The following JAK2 variants were observed in gnomAD, a reference collection of about 807,000 sequenced individuals.
The protein encoded by JAK2 is tyrosine-protein kinase JAK2.
In JAK2, 86 loss-of-function variants were observed where a neutral mutation model predicts 139.3. That is an observed-to-expected ratio of 0.62 (90% CI 0.52 to 0.74). JAK2 has a LOEUF of 0.74. JAK2 is among the 30% of genes least tolerant of loss of function. JAK2 has a pLI of 0.00. For missense variants in JAK2, 1,421 were observed against 1,360.3 expected (o/e 1.04, Z -0.70); for synonymous variants, 490 against 437.7 (o/e 1.12, Z -1.49).
intron 2 of JAK2, among the ~76,000 whole-genome samples, chr9:4,989,200 C>T (rs1178519789): frequency 6.6e-6 from 1 of 152,192 alleles, no homozygotes; most frequent in Admixed American, 6.5e-5. Context: ...CTAAGGATCT[C>T]TAGTCCTTAA....
chr9:5,078,461 T>C lies in JAK2; in HGVS notation c.2131+17T>C. ...CAAAGGACAGTAAGTTCTAGAAGGATTATATATAATGTTACTAAGCTTTAC... is the reference window on the plus strand; with the variant it reads ...CAAAGGACAGTAAGTTCTAGAAGGACTATATATAATGTTACTAAGCTTTAC... On this transcript the variant is annotated intron_variant, in intron 16 of 24. Transcript: ENST00000381652. The C allele has an allele frequency of 6.2e-7, 1 of 1,600,928 alleles. No homozygotes were observed. Among genetic ancestry groups the C allele is most frequent in the South Asian group, 1.1e-5 (1 of 89,636 alleles).
chr9:5,070,882 G>A (rs117084949), intron 12 of JAK2, among the ~76,000 whole-genome samples: 1 of 152,132 alleles, frequency 6.6e-6, no homozygotes, highest in Admixed American at 6.6e-5. Flanking sequence ...AAAAGGGCCA[G>A]GTCTCAGACC....
At chr9:5,107,459 T>C (rs531656907) in intron 22 of JAK2, among the ~76,000 whole-genome samples, 5 of 152,270 alleles carry the variant, frequency 3.3e-5, no homozygotes, top group Admixed American at 6.5e-5. Flanking sequence ...CCATGAGCTA[T>C]TCAAACAAAT....
intron 3 of JAK2, among the ~76,000 whole-genome samples, chr9:5,024,215 C>A (rs1822626587): frequency 6.6e-6 from 1 of 152,116 alleles, no homozygotes; most frequent in African/African-American, 2.4e-5. Context: ...GAGATTGCGC[C>A]ACTGCACTCC....
At chr9:5,024,286 T>C (rs1421794739) in intron 3 of JAK2, among the ~76,000 whole-genome samples, 1 of 152,188 alleles carries the variant, frequency 6.6e-6, no homozygotes, top group Non-Finnish European at 1.5e-5. Context: ...CTTGTAAGAT[T>C]CATTTTTAGC....
At chr9:5,113,998 A>T (rs1340404317) in intron 22 of JAK2, 1 of 272,042 alleles carries the variant, frequency 3.7e-6, no homozygotes, top group South Asian at 4.1e-5. Flanking sequence ...GAGGATGGGC[A>T]GGTCGTGGAT....
intron 22 of JAK2, among the ~76,000 whole-genome samples, chr9:5,117,369 T>C (rs879412031): frequency 5.3e-5 from 8 of 152,236 alleles, no homozygotes; most frequent in Non-Finnish European, 1.0e-4. Context: ...GTGAGATTCA[T>C]ATTTTAGAAA....
chr9:5,079,500 T>G (rs1819533569), intron 16 of JAK2, among the ~76,000 whole-genome samples: 1 of 127,796 alleles, frequency 7.8e-6, no homozygotes, highest in African/African-American at 4.7e-5. Context: ...GTCCTTGGGT[T>G]TTTTTTTTTA....
intron 24 of JAK2, 50 bp from the exon 25 acceptor site, chr9:5,126,634 A>T: frequency 7.7e-7 from 1 of 1,303,822 alleles, no homozygotes; most frequent in Non-Finnish European, 1.1e-6. Flanking sequence ...CACCAATTAA[A>T]AGATGGCCCT....
intron 8 of JAK2, among the ~76,000 whole-genome samples, chr9:5,063,640 G>T (rs1442896295): frequency 1.3e-5 from 2 of 152,084 alleles, no homozygotes; most frequent in African/African-American, 4.8e-5. Flanking sequence ...TTATGATATT[G>T]AATTTTCCTA....
chr9:5,001,146 TA>T (rs749325761), intron 2 of JAK2, among the ~76,000 whole-genome samples: 4 of 152,204 alleles, frequency 2.6e-5, no homozygotes, highest in Non-Finnish European at 5.9e-5. Context: ...TGTCTGCAAA[TA>T]AAAAGTTTTA....
chr9:5,007,885 G>C (rs879618361), intron 2 of JAK2, among the ~76,000 whole-genome samples: 1 of 151,850 alleles, frequency 6.6e-6, no homozygotes, highest in African/African-American at 2.4e-5. Flanking sequence ...GTGCCACCAC[G>C]CCTGGCTAAT....
At chr9:5,113,190 GCTTTTTT>G (rs929519374) in intron 22 of JAK2, among the ~76,000 whole-genome samples, 4 of 107,742 alleles carry the variant, frequency 3.7e-5, no homozygotes, top group African/African-American at 1.6e-4. Flanking sequence ...GCTGGCAGGA[GCTTTTTT>G]TTTTTTTTTT....
In JAK2 at chr9:5,024,064, G is replaced by T. The variant is rs145224991; in HGVS notation, c.226+1851G>T. ...AAGATCAGGAGATCGAGATCATCCT[G>T]GCTAATATGGTGAAACCTCATCTCT... On this transcript the variant is annotated intron_variant, in intron 3 of 24. Coordinates refer to ENST00000381652, the MANE Select transcript of JAK2 (RefSeq NM_004972.4). Among the ~76,000 whole-genome samples the T allele has an allele frequency of 6.5e-3, 983 of 152,198 alleles. 7 individuals are homozygous for T. Among genetic ancestry groups the T allele is most frequent in the African/African-American group, 0.022 (903 of 41,514 alleles).
chr9:5,096,130 A>T (rs973245850), intron 22 of JAK2, among the ~76,000 whole-genome samples: 2 of 152,164 alleles, frequency 1.3e-5, no homozygotes, highest in African/African-American at 4.8e-5. Flanking sequence ...CATCTCAATG[A>T]CAATATTCCC....
chr9:5,085,821 C>T, intron 19 of JAK2: 2 of 758,920 alleles, frequency 2.6e-6, no homozygotes, highest in Non-Finnish European at 4.9e-6. Context: ...AATAATTGAT[C>T]GAAAGGCTTT....
chr9:5,108,273 T>C (rs1410129167), intron 22 of JAK2: 1 of 152,146 alleles, frequency 6.6e-6, no homozygotes, highest in African/African-American at 2.4e-5. Flanking sequence ...AATTATATTT[T>C]ATATTTTCTT....
chr9:5,086,222 G>T, intron 19 of JAK2: 1 of 604,646 alleles, frequency 1.7e-6, no homozygotes, highest in Non-Finnish European at 2.1e-6. Context: ...CGAGGCCACG[G>T]TCGGAGTCTG....
Position 5,069,997 on chromosome 9 carries a change from C to T in JAK2, c.1586C>T (p.Pro529Leu), listed in dbSNP as rs779854534. Residue 529 changes from proline to leucine, a missense_variant, in exon 12 of 25, where the codon CCT becomes CTT. Pro to Leu is a moderately conservative substitution (Grantham distance 98). Transcript: ENST00000381652. The part of the protein sequence containing the change: ...DVPTSPTLQR[P>L]THMNQMVFHK... Reference sequence around the variant, plus strand: ...CCAACCTCACCAACATTACAGAGGCCTACTCATATGAACCAAATGGTGTTT... The same window carrying T: ...CCAACCTCACCAACATTACAGAGGCTTACTCATATGAACCAAATGGTGTTT... The T allele has an allele frequency of 2.5e-6, 4 of 1,608,020 alleles. No homozygotes were observed. The highest frequency in any genetic ancestry group is 1.1e-5 in the South Asian group (1 of 90,484).
Sources: gnomAD v4.1 joint callset for allele counts (sites outside exome capture counted in the v4.1 genomes callset) on GRCh38, gnomAD v4.1.1 for gene constraint, MANE v1.5 for transcripts, NCBI Gene and HGNC (gene_info 2026-07-23, HGNC 2026-07-21) for gene names.